The following SMG6 variants were observed in gnomAD, a reference collection of about 807,000 sequenced individuals.
SMG6 encodes the protein telomerase-binding protein EST1A.
In SMG6, 66 loss-of-function variants were observed where a neutral mutation model predicts 142.2. That is an observed-to-expected ratio of 0.46 (90% CI 0.38 to 0.57). The LOEUF (loss-of-function observed/expected upper bound fraction) is 0.57. Among genes scored for constraint, SMG6 ranks in the 20% least tolerant of loss-of-function variants. The pLI is 0.00. For synonymous variants in SMG6, 779 were observed against 702.4 expected (o/e 1.11, Z -1.72); for missense variants, 1,793 against 1,832.0 (o/e 0.98, Z 0.39).
chr17:2,278,040 C>T (rs1014400185), intron 8 of SMG6, among the ~76,000 whole-genome samples: 2 of 151,930 alleles, frequency 1.3e-5, no homozygotes, highest in African/African-American at 2.4e-5. Flanking sequence ...AGAGGGAGAT[C>T]CTATCTCTCA....
intron 13 of SMG6, among the ~76,000 whole-genome samples, chr17:2,125,138 G>T (rs2069830615): frequency 2.0e-5 from 3 of 152,192 alleles, no homozygotes; most frequent in Non-Finnish European, 4.4e-5. Context: ...TGGAAAACAA[G>T]AGGTTCTCTT....
Position 2,236,600 on chromosome 17 carries a change from T to C in SMG6, c.2761A>G (p.Lys921Glu). 6.2e-7 allele frequency: 1 copy of C among 1,613,558 alleles called. No homozygotes were observed. Among genetic ancestry groups the C allele is most frequent in the Non-Finnish European group, 8.5e-7 (1 of 1,179,796 alleles). Residue 921 changes from lysine to glutamate, a missense_variant, in exon 10 of 19, where the codon AAG becomes GAG. Coordinates refer to ENST00000263073, the MANE Select transcript of SMG6 (RefSeq NM_017575.5). ...TGCTGCAGTAACACCTGGAACTCCT[T>C]GAGGACCTTCTCAGCCACTGCAGGG... Reference protein sequence around the residue: ...TFPAVAEKVLKEFQVLLQHSP... With the variant: ...TFPAVAEKVLEEFQVLLQHSP...
intron 6 of SMG6, among the ~76,000 whole-genome samples, chr17:2,287,361 CACT>C (rs1400816220): frequency 6.6e-6 from 1 of 152,196 alleles, no homozygotes; most frequent in Non-Finnish European, 1.5e-5. Flanking sequence ...ACCTCACCAC[CACT>C]ACGATGGCTA....
chr17:2,290,844 C>T (rs1310391623), intron 6 of SMG6, among the ~76,000 whole-genome samples: 1 of 152,122 alleles, frequency 6.6e-6, no homozygotes, highest in African/African-American at 2.4e-5. Flanking sequence ...AGATGGCAAG[C>T]ATATGAAAAG....
rs761333670 is a variant in SMG6 at position 2,299,080 on chromosome 17, G to A, written c.1673C>T (p.Pro558Leu). 14 of 1,614,212 alleles carry A rather than the reference G, an allele frequency of 8.7e-6. No individual in the cohort carries two copies. The highest frequency in any genetic ancestry group is 1.1e-5 in the Non-Finnish European group (13 of 1,180,048). ...PTPSGQYVCS[P>L]LPTSTMSPEE... is the part of the protein sequence containing the mutation. ...GGGACTCATGGTGCTGGTAGGTAGA[G>A]GGCTACACACATACTGTCCTGACGG... The change falls in exon 2 of 19, where the codon CCT becomes CTT. Residue 558 changes from proline (P) to leucine (L), a missense_variant. By Grantham distance (98) the Pro-to-Leu change is moderately conservative. This residue lies in a region of SMG6 where 1,597 missense variants were observed against 1,584.6 expected (regional missense o/e 1.01). Transcript: ENST00000263073. The surrounding 1 kb of genome is among the most constrained non-coding windows in gnomAD (Gnocchi z 4.3).
intron 8 of SMG6, among the ~76,000 whole-genome samples, chr17:2,258,008 CAAAAAAAAA>C (rs869066817): frequency 8.3e-4 from 22 of 26,656 alleles, no homozygotes; most frequent in Middle Eastern, 0.018. Flanking sequence ...GACTCTGTCG[CAAAAAAAAA>C]AAAAAAAAAA....
chr17:2,117,191 C>G (rs2069534915), intron 13 of SMG6, among the ~76,000 whole-genome samples: 1 of 151,402 alleles, frequency 6.6e-6, no homozygotes, highest in African/African-American at 2.4e-5. Flanking sequence ...ACCTCCTGGG[C>G]TCAAGTGATC....
intron 13 of SMG6, among the ~76,000 whole-genome samples, chr17:2,128,358 G>A (rs973307052): frequency 1.3e-5 from 2 of 152,196 alleles, no homozygotes; most frequent in African/African-American, 4.8e-5. Flanking sequence ...CATTTCATGT[G>A]TTCAACAGCT....
chr17:2,212,384 G>A (rs1051354000), intron 10 of SMG6, among the ~76,000 whole-genome samples: 7 of 152,208 alleles, frequency 4.6e-5, no homozygotes, highest in African/African-American at 1.7e-4. Flanking sequence ...GGGAAATGGG[G>A]TGAGATGGAG....
rs76728528 is a variant in SMG6, at chr17:2,275,496, C to T, written c.2661+7151G>A. On this transcript the variant is annotated intron_variant, in intron 8 of 18. Transcript: ENST00000263073. ...ACTCCCAATCCTATATGCTTTCTTC[C>T]CCAGCAGACAGACATGTATTACATT... Among the ~76,000 whole-genome samples the T allele has an allele frequency of 1.4e-3, 208 of 152,184 alleles. 1 individual carries two copies. The highest frequency in any genetic ancestry group is 4.9e-3 in the African/African-American group (202 of 41,530).
intron 10 of SMG6, among the ~76,000 whole-genome samples, chr17:2,203,532 C>G (rs1299760860): frequency 1.3e-5 from 2 of 152,194 alleles, no homozygotes; most frequent in Admixed American, 1.3e-4. Context: ...AAAAGCATGG[C>G]AGGTCTTTAA....
chr17:2,088,126 T>G (rs1420227555), intron 13 of SMG6: 12 of 985,440 alleles, frequency 1.2e-5, no homozygotes, highest in Non-Finnish European at 1.4e-5. Context: ...CTGCTAAGTG[T>G]GCAGAGGAAA....
chr17:2,190,261 G>T (rs765626285), intron 10 of SMG6, among the ~76,000 whole-genome samples: 54 of 152,150 alleles, frequency 3.5e-4, no homozygotes, highest in Non-Finnish European at 7.5e-4. Flanking sequence ...AAAAGAGGGA[G>T]TTGGGAGAAG....
At chr17:2,245,815 G>A (rs1250877331) in intron 8 of SMG6, among the ~76,000 whole-genome samples, 1 of 152,154 alleles carries the variant, frequency 6.6e-6, no homozygotes, top group Non-Finnish European at 1.5e-5. Flanking sequence ...TGAGTAGCTG[G>A]GACTACAGGT....
Position 2,068,807 on chromosome 17 carries a change from C to T in SMG6, c.3806G>A (p.Arg1269Lys). 6.2e-7 allele frequency: 1 copy of T among 1,614,232 alleles called. No individual in the cohort carries two copies. Among genetic ancestry groups the T allele is most frequent in the Non-Finnish European group, 8.5e-7 (1 of 1,180,030 alleles). ...GAGGGGCACCACCAGGATGTACTTC[C>T]TGCTCTCCAGCAGCCGCGCCAGACT... ...LASLARLLES[R>K]KYILVVPLIV... The change falls in exon 16 of 19, where the codon AGG becomes AAG. Residue 1269 changes from arginine to lysine, a missense_variant. Transcript: ENST00000263073. This position sits in a 1 kb window ranked among gnomAD's most constrained non-coding sequence, Gnocchi z 6.7.
intron 13 of SMG6, among the ~76,000 whole-genome samples, chr17:2,125,689 A>G (rs1193569397): frequency 6.6e-6 from 1 of 152,246 alleles, no homozygotes; most frequent in Non-Finnish European, 1.5e-5. Flanking sequence ...GCAATGGCTC[A>G]TGCCAGTAGT....
At chr17:2,292,443 G>T in intron 6 of SMG6, 109 bp downstream of exon 6, 1 of 1,066,816 alleles carries the variant, frequency 9.4e-7, no homozygotes, top group Non-Finnish European at 1.4e-6. Flanking sequence ...GATATTCTTT[G>T]GGCTACAGTG....
At chr17:2,190,140 A>T (rs979669403) in intron 10 of SMG6, among the ~76,000 whole-genome samples, 1 of 152,198 alleles carries the variant, frequency 6.6e-6, no homozygotes, top group African/African-American at 2.4e-5. Context: ...CACCCTCCCC[A>T]TAGGCAGCAG....
chr17:2,216,136 G>A (rs1411167176), intron 10 of SMG6: 5 of 152,044 alleles, frequency 3.3e-5, no homozygotes, highest in African/African-American at 1.2e-4. Context: ...TTCCCAGTAG[G>A]CAGAAATTTT....
Sources: gnomAD v4.1 joint callset for allele counts (sites outside exome capture counted in the v4.1 genomes callset) on GRCh38, gnomAD v4.1.1 for gene constraint, gnomAD v4.1.1 regional missense constraint, Gnocchi (gnomAD v3.1) non-coding constraint, MANE v1.5 for transcripts, NCBI Gene and HGNC (gene_info 2026-07-23, HGNC 2026-07-21) for gene names.